Variants in TPP2 observed in about 807,000 individuals in gnomAD.
TPP2 encodes the protein tripeptidyl peptidase 2.
TPP2 carries 34 observed loss-of-function variants against 155.9 expected under a neutral mutation model. The ratio of observed to expected loss-of-function variants is 0.22; its 90% CI spans 0.17 to 0.29. TPP2 has a LOEUF of 0.29. Ranked by LOEUF, TPP2 falls within the 10% of genes least tolerant of loss-of-function variation. The pLI is 1.00. For missense variants in TPP2, 1,028 were observed against 1,522.3 expected, an observed-to-expected ratio of 0.68 and a Z score of 5.40; for synonymous variants, 510 against 529.4, an observed-to-expected ratio of 0.96 and a Z score of 0.50.
chr13:102,628,287 G>A (rs1485757717), intron 8 of TPP2, among the ~76,000 whole-genome samples: 1 of 151,996 alleles, frequency 6.6e-6, no homozygotes, highest in African/African-American at 2.4e-5. Flanking sequence ...CAGATGCACT[G>A]CATCCTCACT....
rs746189354 is a variant in TPP2, at chr13:102,657,232, T to C, written c.3143+25T>C. On this transcript the variant is annotated intron_variant, in intron 25 of 29. Transcript: ENST00000376052. ...AGTAGGTTTTTAAATGTATTTTAAT[T>C]CTTTAAATGTTTAGTTCTATTTTCC... 188 of 1,534,550 alleles carry C rather than the reference T, an allele frequency of 1.2e-4. 1 individual carries two copies. Among genetic ancestry groups the C allele is most frequent in the Non-Finnish European group, 1.1e-4 (128 of 1,147,536 alleles).
At chr13:102,636,445 A>C (rs1472749453) in intron 13 of TPP2, 53 bp downstream of exon 13, 7 of 1,555,878 alleles carry the variant, frequency 4.5e-6, no homozygotes, top group East Asian at 2.3e-5. Context: ...TGTTTGAATG[A>C]GTGGTATCAT....
intron 25 of TPP2, among the ~76,000 whole-genome samples, chr13:102,659,988 GTAA>G (rs1250772190): frequency 7.7e-6 from 1 of 130,306 alleles, no homozygotes; most frequent in Non-Finnish European, 1.7e-5. Flanking sequence ...AGATAGTAAA[GTAA>G]TTATTATAAC....
Position 102,643,322 on chromosome 13 carries a change from T to C in TPP2, c.2121T>C (p.Tyr707=). 2 of 1,613,398 alleles carry C rather than the reference T, an allele frequency of 1.2e-6. No individual in the cohort carries two copies. The highest frequency in any genetic ancestry group is 1.7e-6 in the Non-Finnish European group (2 of 1,179,750). The change falls in exon 17 of 30, where the codon TAT becomes TAC. Residue 707 remains tyrosine (Y), a synonymous_variant. Transcript: ENST00000376052. ...GAGCATATCGAAGCCATGAATTCTA[T>C]AAGTTTTGTTCTCTTCCAGAGAAAG... is the stretch of plus-strand genomic sequence containing the variant. The part of the protein sequence containing the change: ...KQRAYRSHEF[Y]KFCSLPEKGT...
At chr13:102,604,715 A>G in intron 1 of TPP2, 78 bp from the exon 2 acceptor site, 1 of 782,290 alleles carries the variant, frequency 1.3e-6, no homozygotes, top group Non-Finnish European at 1.9e-6. Flanking sequence ...ATACACACAC[A>G]TATATATGTG....
chr13:102,659,557 A>T (rs1055843507), intron 25 of TPP2, among the ~76,000 whole-genome samples: 1 of 152,212 alleles, frequency 6.6e-6, no homozygotes, highest in East Asian at 1.9e-4. Context: ...AAGCAGTGGG[A>T]TAATATATTC....
intron 27 of TPP2, among the ~76,000 whole-genome samples, chr13:102,672,944 T>C (rs1244700260): frequency 6.6e-6 from 1 of 152,178 alleles, no homozygotes; most frequent in Non-Finnish European, 1.5e-5. Context: ...CTTTTAGGCA[T>C]AGTTTCATTT....
At chr13:102,625,469 T>A (rs556801706) in intron 6 of TPP2, among the ~76,000 whole-genome samples, 1 of 152,214 alleles carries the variant, frequency 6.6e-6, no homozygotes, top group Non-Finnish European at 1.5e-5. Flanking sequence ...CGGCCTTTTT[T>A]AAGAAATATT....
At chr13:102,667,004 C>G (rs1006309630) in intron 27 of TPP2, among the ~76,000 whole-genome samples, 4 of 152,082 alleles carry the variant, frequency 2.6e-5, no homozygotes, top group African/African-American at 4.8e-5. Flanking sequence ...CTGAAATAGA[C>G]TCTGACCAGG....
At position 102,597,043 on chromosome 13, in the gene TPP2, C is replaced by G. The variant is rs866678031; in HGVS notation, c.5C>G (p.Ala2Gly). 5 of 1,611,474 alleles carry G rather than the reference C, an allele frequency of 3.1e-6. No homozygotes were observed. The highest frequency in any genetic ancestry group is 3.4e-6 in the Non-Finnish European group (4 of 1,179,382). The change falls in exon 1 of 30, where the codon GCC becomes GGC. Residue 2 changes from alanine to glycine, a missense_variant. Transcript: ENST00000376052. M[A>G]TAATEEPFPF... ...CTCGTCCTCCATCCTGCGTCCATGGCCACCGCTGCGACTGAGGAGCCCTTC... is the reference window on the plus strand; with the variant it reads ...CTCGTCCTCCATCCTGCGTCCATGGGCACCGCTGCGACTGAGGAGCCCTTC...
intron 1 of TPP2, among the ~76,000 whole-genome samples, chr13:102,602,942 A>G (rs960684305): frequency 6.9e-6 from 1 of 144,770 alleles, no homozygotes; most frequent in African/African-American, 2.6e-5. Flanking sequence ...TTTTTTTTTC[A>G]GTCGTTGTGT....
At chr13:102,605,545 C>CA (rs1879756076) in intron 2 of TPP2, among the ~76,000 whole-genome samples, 1 of 152,050 alleles carries the variant, frequency 6.6e-6, no homozygotes, top group Non-Finnish European at 1.5e-5. Context: ...AGTGAGCTTG[C>CA]CAAATTTTAT....
chr13:102,657,870 G>A (rs906077561), intron 25 of TPP2, among the ~76,000 whole-genome samples: 22 of 152,032 alleles, frequency 1.4e-4, no homozygotes, highest in African/African-American at 5.1e-4. Context: ...AGCTGTGTAT[G>A]TGTGCTACTA....
At chr13:102,647,097 A>AT in intron 20 of TPP2, 110 bp from the exon 21 acceptor site, 2 of 1,328,292 alleles carry the variant, frequency 1.5e-6, no homozygotes, top group Non-Finnish European at 2.0e-6. Context: ...TACCACAAGT[A>AT]TTTTTAATGT....
intron 17 of TPP2, among the ~76,000 whole-genome samples, chr13:102,643,628 G>T (rs111446485): frequency 7.9e-5 from 12 of 152,198 alleles, no homozygotes; most frequent in African/African-American, 2.4e-4. Context: ...GTAGATTCTC[G>T]TGCCTTGTAG....
At chr13:102,635,515 G>T in intron 11 of TPP2, 72 bp from the exon 12 acceptor site, 3 of 1,061,480 alleles carry the variant, frequency 2.8e-6, no homozygotes, top group Non-Finnish European at 4.3e-6. Context: ...ACAGGTGATC[G>T]ATCATACTGG....
intron 1 of TPP2, among the ~76,000 whole-genome samples, chr13:102,600,717 GA>G (rs112879304): frequency 2.6e-5 from 4 of 151,594 alleles, no homozygotes; most frequent in African/African-American, 7.2e-5. Flanking sequence ...CTCATAGAGG[GA>G]AAAAAAAGGT....
At chr13:102,600,460 G>A (rs1555295457) in intron 1 of TPP2, among the ~76,000 whole-genome samples, 1 of 151,978 alleles carries the variant, frequency 6.6e-6, no homozygotes, top group Non-Finnish European at 1.5e-5. Context: ...TCAGAGGTGA[G>A]TAAGGCCCAA....
At chr13:102,669,946 T>C (rs1884861797) in intron 27 of TPP2, among the ~76,000 whole-genome samples, 1 of 152,162 alleles carries the variant, frequency 6.6e-6, no homozygotes, top group Non-Finnish European at 1.5e-5. Context: ...AAGGGCTGTT[T>C]CAAGGTTCTG....
Sources: gnomAD v4.1 joint callset for allele counts (sites outside exome capture counted in the v4.1 genomes callset) on GRCh38, gnomAD v4.1.1 for gene constraint, MANE v1.5 for transcripts, NCBI Gene and HGNC (gene_info 2026-07-23, HGNC 2026-07-21) for gene names.